Variants in RIT2 observed in about 807,000 individuals in gnomAD.
The protein encoded by RIT2 is Ras like without CAAX 2.
In RIT2, 24 loss-of-function variants were observed where a neutral mutation model predicts 23.7. The observed-to-expected ratio is 1.01, with a 90% CI of 0.73 to 1.43. The LOEUF is 1.43. Among genes scored for constraint, RIT2 ranks in the 40% most tolerant of loss-of-function variants. RIT2 has a pLI of 0.00. For synonymous variants in RIT2, 107 were observed against 91.1 expected (o/e 1.17, Z -0.99); for missense variants, 236 against 266.9 (o/e 0.88, Z 0.81).
At chr18:42,999,435 T>C (rs1013141050) in intron 2 of RIT2, among the ~76,000 whole-genome samples, 1 of 152,020 alleles carries the variant, frequency 6.6e-6, no homozygotes. Context: ...AGTCCCTGCC[T>C]ATGAGAAAAG....
intron 4 of RIT2, among the ~76,000 whole-genome samples, chr18:42,885,477 T>G (rs570045723): frequency 6.6e-6 from 1 of 152,072 alleles, no homozygotes. Flanking sequence ...TCCCAGCTAC[T>G]TGGGAGGCTG....
chr18:42,945,106 T>G, intron 3 of RIT2, among the ~76,000 whole-genome samples: 1 of 152,222 alleles, frequency 6.6e-6, no homozygotes, highest in South Asian at 2.1e-4. Flanking sequence ...AAAATTACAT[T>G]AATGAAAGAA....
chr18:43,062,921 A>T (rs1465319110), intron 1 of RIT2, among the ~76,000 whole-genome samples: 1 of 152,156 alleles, frequency 6.6e-6, no homozygotes, highest in Non-Finnish European at 1.5e-5. Context: ...CTACCAATAC[A>T]ACTGGACTTT....
intron 2 of RIT2, among the ~76,000 whole-genome samples, chr18:43,007,889 AC>A (rs1911262778): frequency 2.6e-5 from 4 of 151,856 alleles, no homozygotes; most frequent in African/African-American, 9.6e-5. Flanking sequence ...TTTTATAAAA[AC>A]ATTCCAAAAA....
intron 2 of RIT2, among the ~76,000 whole-genome samples, chr18:42,991,607 T>C (rs1290939084): frequency 3.5e-5 from 5 of 142,522 alleles, no homozygotes; most frequent in South Asian, 2.5e-4. Flanking sequence ...ACAAAAGAAA[T>C]GAAAATGGCC....
In RIT2 at chr18:43,033,861, G is replaced by T; in HGVS notation, c.110C>A (p.Thr37Lys). The change falls in exon 2 of 5, where the codon ACA becomes AAA. Residue 37 changes from threonine (T) to lysine (K), a missense_variant. Thr to Lys is a moderately conservative substitution (Grantham distance 78). Transcript: ENST00000326695. ...GAGGVGKSAM[T>K]MQFISHQFPD... ...GAACTGATGACTAATAAACTGCATT[G>T]TCATTGCTGAAAGAAAAAAAACACA... 6.2e-7 allele frequency: 1 copy of T among 1,603,850 alleles called. No individual in the cohort carries two copies. Among genetic ancestry groups the T allele is most frequent in the Non-Finnish European group, 8.5e-7 (1 of 1,172,878 alleles).
At chr18:42,967,536 ATTTTT>A (rs397940927) in intron 3 of RIT2, among the ~76,000 whole-genome samples, 1,676 of 80,554 alleles carry the variant, frequency 0.021, 5 homozygotes, top group Middle Eastern at 0.045. Context: ...CGCCCGGCTA[ATTTTT>A]TTTTTTTTTT....
chr18:42,917,779 G>A (rs1908950347), intron 4 of RIT2, among the ~76,000 whole-genome samples: 1 of 152,088 alleles, frequency 6.6e-6, no homozygotes, highest in Non-Finnish European at 1.5e-5. Flanking sequence ...ATCCAATTGT[G>A]AAGATTTTGC....
intron 2 of RIT2, among the ~76,000 whole-genome samples, chr18:43,013,614 T>C (rs1911402722): frequency 6.6e-6 from 1 of 151,874 alleles, no homozygotes; most frequent in Non-Finnish European, 1.5e-5. Context: ...TCCTGTATCA[T>C]CTGCATTATA....
intron 4 of RIT2, among the ~76,000 whole-genome samples, chr18:42,795,394 T>G (rs2143952713): frequency 6.6e-6 from 1 of 151,990 alleles, no homozygotes. Context: ...CTGTGGAGGG[T>G]GTACTGGGTC....
chr18:42,960,931 C>T (rs996522879), intron 3 of RIT2, among the ~76,000 whole-genome samples: 1 of 152,036 alleles, frequency 6.6e-6, no homozygotes, highest in African/African-American at 2.4e-5. Context: ...AATCAATCAC[C>T]TTTCTCCTAA....
chr18:42,974,721 T>C (rs1317642526), intron 2 of RIT2, among the ~76,000 whole-genome samples: 1 of 152,026 alleles, frequency 6.6e-6, no homozygotes, highest in Non-Finnish European at 1.5e-5. Flanking sequence ...AGTTGTAGAA[T>C]ATAAAGTCAA....
intron 1 of RIT2, among the ~76,000 whole-genome samples, chr18:43,061,286 C>G (rs1912638757): frequency 6.6e-6 from 1 of 152,058 alleles, no homozygotes; most frequent in Admixed American, 6.6e-5. Context: ...TAATAGTAAT[C>G]CATAAAGTAG....
At chr18:42,814,122 C>A (rs751152475) in intron 4 of RIT2, among the ~76,000 whole-genome samples, 1 of 152,096 alleles carries the variant, frequency 6.6e-6, no homozygotes, top group African/African-American at 2.4e-5. Context: ...AGGGGTCCTT[C>A]GGGAGGGCAG....
intron 2 of RIT2, among the ~76,000 whole-genome samples, chr18:42,994,348 C>T (rs1246997528): frequency 3.9e-5 from 6 of 152,112 alleles, no homozygotes; most frequent in Non-Finnish European, 7.4e-5. Context: ...CTCTCCCTGC[C>T]GATCGTGTCC....
At chr18:42,780,047 GTTTTTTT>G (rs71175923) in intron 4 of RIT2, among the ~76,000 whole-genome samples, 17 of 59,588 alleles carry the variant, frequency 2.9e-4, no homozygotes, top group African/African-American at 8.9e-4. Context: ...CAATTTAGAG[GTTTTTTT>G]TTTTTTTTTT....
chr18:42,970,362 G>A (rs1397226104), intron 3 of RIT2, among the ~76,000 whole-genome samples: 1 of 151,950 alleles, frequency 6.6e-6, no homozygotes, highest in Admixed American at 6.6e-5. Context: ...TAGCAGAAGA[G>A]TTAAGTATTA....
At chr18:42,925,764 T>A (rs1469068931) in intron 3 of RIT2, among the ~76,000 whole-genome samples, 1 of 151,692 alleles carries the variant, frequency 6.6e-6, no homozygotes, top group Non-Finnish European at 1.5e-5. Context: ...TCTGTGTACA[T>A]ACAAGCATAT....
At chr18:42,812,912 AG>A (rs1369929206) in intron 4 of RIT2, among the ~76,000 whole-genome samples, 2 of 152,168 alleles carry the variant, frequency 1.3e-5, no homozygotes, top group Non-Finnish European at 2.9e-5. Context: ...CCTGTTGACA[AG>A]TTTTACAGAA....
Sources: gnomAD v4.1 joint callset for allele counts (sites outside exome capture counted in the v4.1 genomes callset) on GRCh38, gnomAD v4.1.1 for gene constraint, MANE v1.5 for transcripts, NCBI Gene and HGNC (gene_info 2026-07-23, HGNC 2026-07-21) for gene names.